TAFA4: variants seen among roughly 807,000 people sequenced by gnomAD.
The protein encoded by TAFA4 is TAFA chemokine like family member 4.
A neutral mutation model predicts 21.1 loss-of-function variants in TAFA4; 20 were observed. The ratio of observed to expected loss-of-function variants is 0.95; its 90% CI spans 0.67 to 1.38. The LOEUF (loss-of-function observed/expected upper bound fraction) is 1.38, where lower values mean the gene tolerates loss of function less well. Ranked by LOEUF, TAFA4 falls within the 40% of genes most tolerant of loss-of-function variation. The pLI, the probability that TAFA4 is intolerant of heterozygous loss-of-function variation, is 0.00. For synonymous variants in TAFA4, 71 were observed against 67.4 expected (o/e 1.05, Z -0.26); for missense variants, 211 against 180.9 (o/e 1.17, Z -0.95).
At chr3:68,878,297 T>C (rs953941669) in intron 3 of TAFA4, among the ~76,000 whole-genome samples, 1 of 152,234 alleles carries the variant, frequency 6.6e-6, no homozygotes, top group Non-Finnish European at 1.5e-5. Context: ...GAAAACTAGC[T>C]ATGACTCCAT....
At chr3:68,880,225 C>T (rs1465078059) in intron 3 of TAFA4, among the ~76,000 whole-genome samples, 1 of 152,172 alleles carries the variant, frequency 6.6e-6, no homozygotes, top group African/African-American at 2.4e-5. Flanking sequence ...ACAAAAGTTA[C>T]CACAGCTTTT....
chr3:68,841,872 G>A (rs1012550608), intron 3 of TAFA4, among the ~76,000 whole-genome samples: 3 of 152,280 alleles, frequency 2.0e-5, no homozygotes, highest in East Asian at 3.9e-4. Context: ...CAAAGGACAT[G>A]AACTCATCCA....
rs142316654 is a variant in TAFA4, at chr3:68,872,961, C to A, written c.130+7769G>T. Among the ~76,000 whole-genome samples the A allele has an allele frequency of 2.0e-5, 3 of 152,208 alleles. No individual in the cohort carries two copies. In the East Asian group the frequency reaches 5.8e-4, roughly 29 times the overall value. On this transcript the variant is annotated intron_variant, in intron 3 of 5. Transcript: ENST00000295569. ...CGATTTTTTAAGATAACGTGAACAG[C>A]TCCTTGGTAAATATATTTACACCAT...
At chr3:68,829,202 T>C (rs1435072199) in intron 3 of TAFA4, among the ~76,000 whole-genome samples, 2 of 152,044 alleles carry the variant, frequency 1.3e-5, no homozygotes, top group Non-Finnish European at 2.9e-5. Flanking sequence ...AAAACAGATA[T>C]ATAGACCAAT....
chr3:68,860,233 G>A (rs181371413), intron 3 of TAFA4, among the ~76,000 whole-genome samples: 132 of 152,160 alleles, frequency 8.7e-4, no homozygotes, highest in Admixed American at 1.4e-3. Context: ...CTGATGAGGC[G>A]AAAGCTTGTT....
In TAFA4 at chr3:68,821,549, G is replaced by A. The variant is rs1475276354; in HGVS notation, c.130+59181C>T. Among the ~76,000 whole-genome samples, 3 of 17,072 alleles carry A rather than the reference G, an allele frequency of 1.8e-4. 1 individual carries two copies. Among genetic ancestry groups the A allele is most frequent in the Admixed American group, 9.0e-4 (2 of 2,234 alleles). The allele number at this position is 17,072 out of a possible 152,430, so 11.2% of individuals were successfully genotyped here. On this transcript the variant is annotated intron_variant, in intron 3 of 5. Transcript: ENST00000295569. ...TTTTTAGTAGAGACGGGGTTTCACC[G>A]TGTTAGCCAGGATGGTCTCGATCTC...
At chr3:68,931,928 C>T (rs997314063) in intron 1 of TAFA4, among the ~76,000 whole-genome samples, 2 of 152,196 alleles carry the variant, frequency 1.3e-5, no homozygotes, top group Admixed American at 6.5e-5. Context: ...GTGGCCTCCT[C>T]CGCATCAGCA....
At chr3:68,893,844 A>C (rs1478124142) in intron 1 of TAFA4, among the ~76,000 whole-genome samples, 2 of 152,222 alleles carry the variant, frequency 1.3e-5, no homozygotes, top group Admixed American at 6.5e-5. Context: ...TCCTGTGGAC[A>C]AAACAAGGAA....
chr3:68,778,767 T>A (rs994816496), intron 3 of TAFA4, among the ~76,000 whole-genome samples: 10 of 152,216 alleles, frequency 6.6e-5, no homozygotes, highest in African/African-American at 2.4e-4. Flanking sequence ...CTTTCTTTTA[T>A]AAATTGCCCA....
intron 3 of TAFA4, among the ~76,000 whole-genome samples, chr3:68,815,175 A>G (rs531251295): frequency 6.6e-6 from 1 of 152,380 alleles, no homozygotes; most frequent in East Asian, 1.9e-4. Context: ...AGGATGGATT[A>G]AAGACTTAAA....
intron 3 of TAFA4, among the ~76,000 whole-genome samples, chr3:68,874,439 T>C (rs567657659): frequency 3.6e-4 from 55 of 152,246 alleles, no homozygotes; most frequent in African/African-American, 1.3e-3. Context: ...TTTTTACCAA[T>C]GATTTTATTT....
intron 3 of TAFA4, among the ~76,000 whole-genome samples, chr3:68,766,104 C>T (rs1223881508): frequency 6.6e-6 from 1 of 151,706 alleles, no homozygotes; most frequent in African/African-American, 2.4e-5. Flanking sequence ...AGAAAAGCAC[C>T]TAAACATACC....
In TAFA4 at chr3:68,827,595, G is replaced by A. The variant is rs1224898616; in HGVS notation, c.130+53135C>T. Among the ~76,000 whole-genome samples the A allele has an allele frequency of 2.0e-5, 3 of 152,160 alleles. No homozygotes were observed. In the East Asian group the frequency reaches 5.8e-4, roughly 29 times the overall value. On this transcript the variant is annotated intron_variant, in intron 3 of 5. Transcript: ENST00000295569. ...TCGCCATTCTAACTGGCAAGAGATG[G>A]TATCTCATTGTGGTTTTGATTTGCA...
At chr3:68,745,991 T>C (rs760216079) in intron 4 of TAFA4, among the ~76,000 whole-genome samples, 2 of 152,148 alleles carry the variant, frequency 1.3e-5, no homozygotes, top group Non-Finnish European at 2.9e-5. Flanking sequence ...ACCCTTAATC[T>C]GGGTGGGCAC....
At chr3:68,757,247 C>T (rs1702675879) in intron 3 of TAFA4, among the ~76,000 whole-genome samples, 1 of 152,110 alleles carries the variant, frequency 6.6e-6, no homozygotes, top group Non-Finnish European at 1.5e-5. Context: ...GCTGTGTCCT[C>T]ACATGGAGGA....
intron 3 of TAFA4, among the ~76,000 whole-genome samples, chr3:68,777,096 A>G (rs1428282259): frequency 6.6e-6 from 1 of 151,996 alleles, no homozygotes; most frequent in African/African-American, 2.4e-5. Context: ...ACATTTCAAT[A>G]TATATATAAC....
At chr3:68,896,175 G>A (rs1286954488) in intron 1 of TAFA4, among the ~76,000 whole-genome samples, 2 of 152,144 alleles carry the variant, frequency 1.3e-5, no homozygotes, top group African/African-American at 4.8e-5. Context: ...AGGTATCCAG[G>A]GACAGACCAG....
intron 3 of TAFA4, among the ~76,000 whole-genome samples, chr3:68,788,100 A>G (rs971391385): frequency 6.6e-6 from 1 of 152,234 alleles, no homozygotes; most frequent in African/African-American, 2.4e-5. Context: ...TACACATTTA[A>G]AAATAAAATA....
chr3:68,817,011 A>T (rs1703994536), intron 3 of TAFA4, among the ~76,000 whole-genome samples: 1 of 152,216 alleles, frequency 6.6e-6, no homozygotes, highest in Admixed American at 6.5e-5. Flanking sequence ...AATTTCTTAA[A>T]GTAAGACAAT....
Sources: gnomAD v4.1 joint callset for allele counts (sites outside exome capture counted in the v4.1 genomes callset) on GRCh38, gnomAD v4.1.1 for gene constraint, MANE v1.5 for transcripts, NCBI Gene and HGNC (gene_info 2026-07-23, HGNC 2026-07-21) for gene names.